The following RSPH14 variants were observed in gnomAD, a reference collection of about 807,000 sequenced individuals.
RSPH14 encodes rhabdoid tumor deletion region gene 1.
RSPH14 carries 20 observed loss-of-function variants against 26.7 expected under a neutral mutation model. That is an observed-to-expected ratio of 0.75 (90% CI 0.53 to 1.09). RSPH14 has a LOEUF of 1.09. Ranked by LOEUF, RSPH14 falls within the 50% of genes least tolerant of loss-of-function variation. The probability of loss-of-function intolerance (pLI) is 0.00; values close to 1 mark genes in which losing one functional copy is unlikely to be tolerated. For missense variants in RSPH14, 449 were observed against 457.2 expected (o/e 0.98, Z 0.16); for synonymous variants, 177 against 189.3 (o/e 0.93, Z 0.53).
At chr22:23,176,921 G>A in the RSPH14 span, among the ~76,000 whole-genome samples, 3 of 152,196 alleles carry the variant, frequency 2.0e-5, no homozygotes, top group Admixed American at 6.5e-5. Context: ...CCCCAGCCAC[G>A]TTTCAGATGC....
rs941583483 is a variant in RSPH14, at chr22:23,061,878, T to C, written c.721A>G (p.Lys241Glu). 2 of 1,614,022 alleles carry C rather than the reference T, an allele frequency of 1.2e-6. No individual in the cohort carries two copies. Among genetic ancestry groups the C allele is most frequent in the African/African-American group, 1.3e-5 (1 of 74,902 alleles). ...DVIPILVHLL[K>E]DPVEHVKSNA... ...GACTTCACATGCTCCACTGGGTCTT[T>C]CAGCAGATGGACCAGGATGGGGATG... The change falls in exon 6 of 7, where the codon AAA becomes GAA. Residue 241 changes from lysine (K) to glutamate (E), a missense_variant. Physicochemically the swap from Lys to Glu is moderately conservative, Grantham distance 56 (BLOSUM62 1). Transcript: ENST00000216036.
intron 4 of RSPH14, among the ~76,000 whole-genome samples, chr22:23,108,886 T>C (rs997817121): frequency 6.6e-6 from 1 of 152,208 alleles, no homozygotes; most frequent in Non-Finnish European, 1.5e-5. Context: ...TTTGCCATGC[T>C]CTTCTCTGTC....
rs776416957 is a variant in RSPH14 at position 23,061,792 on chromosome 22, AC to A, written c.790+16del. The A allele has an allele frequency of 2.9e-5, 46 of 1,611,764 alleles. No individual in the cohort carries two copies. In the African/African-American group the frequency reaches 5.0e-4, roughly 17 times the overall value. On this transcript the variant is annotated intron_variant, in intron 6 of 6. Coordinates refer to ENST00000216036, the MANE Select transcript of RSPH14 (RefSeq NM_014433.3). ...CTGCTAGGGTCTCCCTCCCTGCGGC[AC>A]CCCCCACCGCCTCACCTTCAGTGAT...
At chr22:23,133,907 T>G (rs1404767066) in intron 4 of RSPH14, 119 bp downstream of exon 4, 1 of 704,986 alleles carries the variant, frequency 1.4e-6, no homozygotes, top group South Asian at 1.5e-5. Context: ...TTTTCTAATA[T>G]GTATGTTGTA....
At chr22:23,177,385 C>T in the RSPH14 span, among the ~76,000 whole-genome samples, 1 of 152,240 alleles carries the variant, frequency 6.6e-6, no homozygotes, top group African/African-American at 2.4e-5. Flanking sequence ...GCCATGCACA[C>T]ATCTGGTTCC....
intron 6 of RSPH14, among the ~76,000 whole-genome samples, chr22:23,060,131 C>T (rs925413271): frequency 1.3e-5 from 2 of 151,988 alleles, no homozygotes; most frequent in African/African-American, 4.8e-5. Flanking sequence ...GTGATCGTGA[C>T]ATCGTACTCT....
chr22:23,076,083 G>A (rs532427471), intron 4 of RSPH14, among the ~76,000 whole-genome samples: 7 of 152,320 alleles, frequency 4.6e-5, no homozygotes, highest in Admixed American at 2.0e-4. Flanking sequence ...GGCTGTGCTG[G>A]AGGCTGGCAT....
rs2070295261 is a variant in RSPH14 at position 23,130,093 on chromosome 22, A to AAGAAAGAAAG, written c.421+3923_421+3932dup. On this transcript the variant is annotated intron_variant, in intron 4 of 6. Transcript: ENST00000216036. ...AAAGAAAGAAAGAAAGGAAGAAAGAAAGAAAGAAAGAAAGAAAGAAAGAAA... is the reference window on the plus strand; with the variant it reads ...AAAGAAAGAAAGAAAGGAAGAAAGAAAGAAAGAAAGAGAAAGAAAGAAAGAAAGAAAGAAA... Among the ~76,000 whole-genome samples, 8 of 35,656 alleles carry AAGAAAGAAAG rather than the reference A, an allele frequency of 2.2e-4. No homozygotes were observed. The Admixed American group carries it at 2.6e-3, about 11-fold the overall frequency. 23.4% of individuals were successfully genotyped at this position (35,656 alleles called of 152,430 possible).
chr22:23,128,291 T>C (rs1050968481), intron 4 of RSPH14, among the ~76,000 whole-genome samples: 2 of 152,190 alleles, frequency 1.3e-5, no homozygotes, highest in Non-Finnish European at 2.9e-5. Context: ...GCAGGAATGA[T>C]GGTCACCGAT....
At chr22:23,074,294 G>A (rs188692061) in intron 4 of RSPH14, among the ~76,000 whole-genome samples, 52 of 152,356 alleles carry the variant, frequency 3.4e-4, no homozygotes, top group African/African-American at 1.1e-3. Context: ...CCCAGGCAGA[G>A]AGGCTGCTGA....
chr22:23,151,132 A>G, the RSPH14 span, among the ~76,000 whole-genome samples: 1 of 152,248 alleles, frequency 6.6e-6, no homozygotes. Flanking sequence ...CAGAGAGCGC[A>G]GCTAGAGGTT....
chr22:23,157,888 G>C, the RSPH14 span: 25 of 1,580,702 alleles, frequency 1.6e-5, no homozygotes, highest in South Asian at 1.8e-4. Context: ...TGCCTGGTTG[G>C]GGGGCTGCCC....
At chr22:23,091,561 T>C (rs1858745) in intron 4 of RSPH14, among the ~76,000 whole-genome samples, 52,662 of 145,052 alleles carry the variant, frequency 0.36, 9,952 homozygotes, top group African/African-American at 0.54. Context: ...TATGCATACA[T>C]GCACACGCAC....
intron 3 of RSPH14, among the ~76,000 whole-genome samples, chr22:23,135,264 G>C (rs1015403575): frequency 6.8e-6 from 1 of 147,722 alleles, no homozygotes; most frequent in Non-Finnish European, 1.5e-5. Context: ...ACTAGGTCAG[G>C]AGATCGAGAC....
chr22:23,142,081 C>T, upstream of RSPH14: 4 of 977,618 alleles, frequency 4.1e-6, no homozygotes, highest in Non-Finnish European at 4.9e-6. Context: ...GCACCCACTG[C>T]GCAGGCGCAA....
chr22:23,161,629 G>C, the RSPH14 span: 2 of 1,405,092 alleles, frequency 1.4e-6, no homozygotes, highest in Non-Finnish European at 2.0e-6. Flanking sequence ...CGTGACTGTG[G>C]TGTGGAGACT....
At chr22:23,096,830 T>C (rs914088965) in intron 4 of RSPH14, among the ~76,000 whole-genome samples, 1 of 152,206 alleles carries the variant, frequency 6.6e-6, no homozygotes, top group African/African-American at 2.4e-5. Flanking sequence ...AAGAGCTGTT[T>C]AGAAGGGATA....
At chr22:23,131,590 T>C in intron 4 of RSPH14, 2 of 1,301,690 alleles carry the variant, frequency 1.5e-6, no homozygotes, top group Non-Finnish European at 2.0e-6. Flanking sequence ...GTCACAATCA[T>C]TGTAAGAGGA....
chr22:23,076,237 G>A (rs1026625185), intron 4 of RSPH14, among the ~76,000 whole-genome samples: 4 of 152,198 alleles, frequency 2.6e-5, no homozygotes, highest in Admixed American at 1.3e-4. Context: ...TCGCCACAGC[G>A]TGACCTGCTC....
Sources: allele counts gnomAD v4.1 joint callset (sites outside exome capture counted in the v4.1 genomes callset), GRCh38; gene constraint gnomAD v4.1.1; transcripts MANE v1.5; gene names NCBI Gene and HGNC (gene_info 2026-07-23, HGNC 2026-07-21).